The following DCTN4 variants were observed in gnomAD, a reference collection of about 807,000 sequenced individuals.
DCTN4 encodes the protein dynactin subunit 4.
A neutral mutation model predicts 62.7 loss-of-function variants in DCTN4; 23 were observed. That is an observed-to-expected ratio of 0.37 (90% CI 0.26 to 0.52). The LOEUF (loss-of-function observed/expected upper bound fraction) is 0.52, where lower values mean the gene tolerates loss of function less well. DCTN4 is among the 20% of genes least tolerant of loss of function. DCTN4 has a pLI of 0.92. For missense variants in DCTN4, 514 were observed against 580.4 expected, an observed-to-expected ratio of 0.89 and a Z score of 1.18; for synonymous variants, 199 against 202.1, an observed-to-expected ratio of 0.98 and a Z score of 0.13.
chr5:150,720,287 T>C (rs1759912039), intron 9 of DCTN4, among the ~76,000 whole-genome samples: 1 of 152,162 alleles, frequency 6.6e-6, no homozygotes, highest in African/African-American at 2.4e-5. Context: ...ATTTAAACTT[T>C]AAACGAGCTA....
chr5:150,729,256 A>G (rs1226091737), intron 8 of DCTN4, among the ~76,000 whole-genome samples: 1 of 151,404 alleles, frequency 6.6e-6, no homozygotes, highest in Non-Finnish European at 1.5e-5. Context: ...AAGGTTTTTC[A>G]TTATAGAAAT....
intron 5 of DCTN4, chr5:150,732,054 A>G: frequency 4.1e-6 from 3 of 735,586 alleles, no homozygotes; most frequent in Non-Finnish European, 7.2e-6. Context: ...TATAACACAC[A>G]TTGGTGCATA....
At chr5:150,714,079 T>C (rs1189402132) in intron 12 of DCTN4, among the ~76,000 whole-genome samples, 1 of 152,062 alleles carries the variant, frequency 6.6e-6, no homozygotes, top group Non-Finnish European at 1.5e-5. Context: ...GATCACGCCA[T>C]TGCACTCCAG....
intron 5 of DCTN4, chr5:150,731,987 CAGGT>C: frequency 2.4e-6 from 3 of 1,230,894 alleles, no homozygotes; most frequent in Non-Finnish European, 3.5e-6. Context: ...ATATAGCAGG[CAGGT>C]TATATGGGAA....
At chr5:150,748,944 A>G (rs991778494) in intron 3 of DCTN4, among the ~76,000 whole-genome samples, 58 of 151,514 alleles carry the variant, frequency 3.8e-4, no homozygotes, top group African/African-American at 1.3e-3. Context: ...TAATAATAAG[A>G]AAAAAAAAGA....
chr5:150,732,705 C>T lies in DCTN4; in HGVS notation c.537+663G>A, dbSNP rs183104540. Among the ~76,000 whole-genome samples the T allele has an allele frequency of 1.1e-4, 16 of 152,136 alleles. No individual in the cohort carries two copies. The East Asian group carries it at 2.1e-3, about 20-fold the overall frequency. ...TTTATTGAATGTCAATTTGCTGGGC[C>T]CCAAGCAAGCACACAGAAAACAAAC... On this transcript the variant is annotated intron_variant, in intron 5 of 12. Transcript: ENST00000447998.
At chr5:150,751,640 A>G (rs754724114) in intron 3 of DCTN4, among the ~76,000 whole-genome samples, 8 of 152,126 alleles carry the variant, frequency 5.3e-5, no homozygotes, top group Non-Finnish European at 1.2e-4. Context: ...CTTACTGGCA[A>G]TTTTCAAAGA....
At chr5:150,755,720 CTATAAA>C (rs1409702990) in intron 2 of DCTN4, among the ~76,000 whole-genome samples, 2 of 152,178 alleles carry the variant, frequency 1.3e-5, no homozygotes, top group East Asian at 1.9e-4. Context: ...AGAGACATAA[CTATAAA>C]TATAATGTGA....
chr5:150,711,076 G>T lies in DCTN4; in HGVS notation c.*73C>A. ...ATCGTTATAAACAAGGCCTAATGAA[G>T]CAGCAGCTTCCACATTTTAACGCAG... On this transcript the variant is annotated 3_prime_UTR_variant, in exon 13 of 13. Transcript: ENST00000447998. The T allele has an allele frequency of 7.2e-7, 1 of 1,394,552 alleles. No homozygotes were observed. The highest frequency in any genetic ancestry group is 1.0e-6 in the Non-Finnish European group (1 of 990,612). The allele number at this position is 1,394,552 out of a possible 1,614,324, so 86.4% of individuals were successfully genotyped here.
chr5:150,728,858 T>C (rs1414100878), intron 8 of DCTN4, among the ~76,000 whole-genome samples: 2 of 151,844 alleles, frequency 1.3e-5, no homozygotes, highest in African/African-American at 2.4e-5. Flanking sequence ...GATTTTAATC[T>C]ACTATCTTAC....
chr5:150,713,314 G>A (rs1253942417), intron 12 of DCTN4, among the ~76,000 whole-genome samples: 1 of 152,094 alleles, frequency 6.6e-6, no homozygotes, highest in Non-Finnish European at 1.5e-5. Flanking sequence ...AATCCTCTGG[G>A]GTTAGGGTCT....
intron 4 of DCTN4, among the ~76,000 whole-genome samples, chr5:150,741,286 C>T (rs1221366256): frequency 1.3e-5 from 2 of 151,862 alleles, no homozygotes; most frequent in Admixed American, 1.3e-4. Flanking sequence ...TCAACTATTA[C>T]TGGTTTAGAT....
intron 3 of DCTN4, among the ~76,000 whole-genome samples, chr5:150,747,771 C>T (rs1373141672): frequency 6.7e-6 from 1 of 149,380 alleles, no homozygotes; most frequent in Non-Finnish European, 1.5e-5. Context: ...CTTCCTTACA[C>T]CTTATACAAA....
rs918576312 is a variant in DCTN4 at position 150,718,385 on chromosome 5, T to A, written c.964-2A>T. 6.2e-7 allele frequency: 1 copy of A among 1,605,616 alleles called. No individual in the cohort carries two copies. Among genetic ancestry groups the A allele is most frequent in the African/African-American group, 1.3e-5 (1 of 74,574 alleles). On this transcript the variant is annotated splice_acceptor_variant, in intron 10 of 12. Transcript: ENST00000447998. LOFTEE classifies it high-confidence loss of function. ...AAGAGTCAGGAGGACCTGGCTCTCCTGGTGAATAGGAAACACATCTCTCAG... is the reference window on the plus strand; with the variant it reads ...AAGAGTCAGGAGGACCTGGCTCTCCAGGTGAATAGGAAACACATCTCTCAG...
chr5:150,711,539 T>C (rs898352407), intron 12 of DCTN4, among the ~76,000 whole-genome samples, 177 bp from the exon 13 acceptor site: 2 of 152,202 alleles, frequency 1.3e-5, no homozygotes, highest in Admixed American at 6.5e-5. Flanking sequence ...ACAGTCTCGC[T>C]CTGTCGCCCA....
chr5:150,733,720 C>G, intron 4 of DCTN4: 1 of 379,180 alleles, frequency 2.6e-6, no homozygotes. Flanking sequence ...TTTTTGCTCT[C>G]TAACTTCATT....
chr5:150,750,926 C>T (rs1752648291), intron 3 of DCTN4, among the ~76,000 whole-genome samples: 1 of 152,092 alleles, frequency 6.6e-6, no homozygotes, highest in South Asian at 2.1e-4. Flanking sequence ...AAAAAGGACG[C>T]AATTACCTTG....
rs781321136 is a variant in DCTN4, at chr5:150,711,155, A to G, written c.1377T>C (p.Leu459=). The change falls in exon 13 of 13, where the codon CTT becomes CTC. Residue 459 remains leucine (L), a synonymous_variant. Transcript: ENST00000447998. The part of the protein sequence containing the change: ...QHVELSLGPL[L]P ...TGCCCTCCAGTGGAACCTTTTAAGG[A>G]AGAAGTGGGCCCAAGCTAAGTTCCA... The G allele has an allele frequency of 6.2e-7, 1 of 1,612,214 alleles. No homozygotes were observed. The highest frequency in any genetic ancestry group is 1.1e-5 in the South Asian group (1 of 90,994).
chr5:150,721,377 T>C (rs1759949800), intron 9 of DCTN4, among the ~76,000 whole-genome samples: 1 of 152,216 alleles, frequency 6.6e-6, no homozygotes, highest in South Asian at 2.1e-4. Context: ...AATGCATCTT[T>C]ATATATTGGT....
Sources: allele counts gnomAD v4.1 joint callset (sites outside exome capture counted in the v4.1 genomes callset), GRCh38; gene constraint gnomAD v4.1.1; transcripts MANE v1.5; gene names NCBI Gene and HGNC (gene_info 2026-07-23, HGNC 2026-07-21).